Variants in ZNF566 observed in about 807,000 individuals in gnomAD.
ZNF566 encodes the protein zinc finger protein 566.
A neutral mutation model predicts 32.8 loss-of-function variants in ZNF566; 27 were observed. The ratio of observed to expected loss-of-function variants is 0.82; its 90% CI spans 0.61 to 1.14. ZNF566 has a LOEUF of 1.14. Among genes scored for constraint, ZNF566 ranks in the 50% most tolerant of loss-of-function variants. ZNF566 has a pLI of 0.00. For missense variants in ZNF566, 402 were observed against 490.4 expected (o/e 0.82, Z 1.70); for synonymous variants, 154 against 159.5 (o/e 0.97, Z 0.26).
At chr19:36,458,221 A>G (rs545674363) in intron 4 of ZNF566, among the ~76,000 whole-genome samples, 1 of 149,384 alleles carries the variant, frequency 6.7e-6, no homozygotes, top group Non-Finnish European at 1.5e-5. Flanking sequence ...AGAAAATGTG[A>G]TGTGTGGGCA....
chr19:36,450,977 A>T (rs2033143031), intron 4 of ZNF566, among the ~76,000 whole-genome samples: 1 of 152,258 alleles, frequency 6.6e-6, no homozygotes, highest in African/African-American at 2.4e-5. Context: ...CGCTAGCTAC[A>T]TGTGGCTTTT....
At chr19:36,481,490 A>AG (rs1457117529) in intron 1 of ZNF566, among the ~76,000 whole-genome samples, 3 of 148,226 alleles carry the variant, frequency 2.0e-5, no homozygotes, top group Non-Finnish European at 3.0e-5. Context: ...AAAAAAAAAA[A>AG]AAAAAGAAAA....
intron 4 of ZNF566, among the ~76,000 whole-genome samples, chr19:36,462,826 G>A (rs376441305): frequency 6.6e-6 from 1 of 151,306 alleles, no homozygotes; most frequent in Admixed American, 6.6e-5. Flanking sequence ...GCGTGGTGGG[G>A]GGTGCCTGTA....
intron 2 of ZNF566, 34 bp downstream of exon 2, chr19:36,476,515 C>T: frequency 6.3e-7 from 1 of 1,587,852 alleles, no homozygotes; most frequent in South Asian, 1.1e-5. Flanking sequence ...AAGTAAAAAT[C>T]ACTCTATCTG....
chr19:36,470,396 G>T (rs923371025), intron 4 of ZNF566, among the ~76,000 whole-genome samples: 2 of 152,076 alleles, frequency 1.3e-5, no homozygotes, highest in Admixed American at 1.3e-4. Flanking sequence ...TAAAAAGCAT[G>T]AATCCTTTTT....
intron 1 of ZNF566, among the ~76,000 whole-genome samples, chr19:36,486,882 G>C (rs1233843860): frequency 1.3e-5 from 2 of 151,488 alleles, no homozygotes; most frequent in African/African-American, 4.8e-5. Context: ...GATTTTGGGA[G>C]GCTGAGGCGG....
At position 36,448,011 on chromosome 19, in the gene ZNF566, C is replaced by T. The variant is rs1457109392; in HGVS notation, c.*966G>A. 6.6e-6 allele frequency: 1 copy of T among 152,042 alleles called. No homozygotes were observed. The highest frequency in any genetic ancestry group is 1.5e-5 in the Non-Finnish European group (1 of 67,978). The allele number at this position is 152,042 out of a possible 1,614,324, so 9.4% of individuals were successfully genotyped here. On this transcript the variant is annotated 3_prime_UTR_variant, in exon 5 of 5. Coordinates refer to ENST00000452939, the MANE Select transcript of ZNF566 (RefSeq NM_001145344.1). ...TCTAAGCACTTTATCGATCTTAATT[C>T]ATTTAATCCTCACAAAGCATTATGA...
intron 4 of ZNF566, among the ~76,000 whole-genome samples, chr19:36,457,899 T>C (rs1005146465): frequency 2.6e-4 from 40 of 151,608 alleles, no homozygotes; most frequent in African/African-American, 9.5e-4. Flanking sequence ...CTCAAAAAAA[T>C]AAACAAACAA....
chr19:36,465,238 A>G (rs2033582170), intron 4 of ZNF566, among the ~76,000 whole-genome samples: 1 of 152,218 alleles, frequency 6.6e-6, no homozygotes, highest in Non-Finnish European at 1.5e-5. Flanking sequence ...TGAAAAAATA[A>G]TATCATAAGG....
At chr19:36,457,150 G>C (rs1421977087) in intron 4 of ZNF566, among the ~76,000 whole-genome samples, 1 of 152,110 alleles carries the variant, frequency 6.6e-6, no homozygotes, top group East Asian at 1.9e-4. Flanking sequence ...ACACACAATG[G>C]GGAAAAGACA....
At chr19:36,454,935 C>A (rs1342861070) in intron 4 of ZNF566, among the ~76,000 whole-genome samples, 2 of 152,148 alleles carry the variant, frequency 1.3e-5, no homozygotes, top group Admixed American at 1.3e-4. Flanking sequence ...AAGAAAATTA[C>A]AGGCCAATAT....
At chr19:36,472,515 C>A (rs1332152145) in intron 4 of ZNF566, among the ~76,000 whole-genome samples, 1 of 152,032 alleles carries the variant, frequency 6.6e-6, no homozygotes, top group Non-Finnish European at 1.5e-5. Context: ...GGCATAAACC[C>A]CTATCCCAAA....
Position 36,449,514 on chromosome 19 carries a change from T to G in ZNF566, c.720A>C (p.Ser240=). Reference sequence around the variant, plus strand: ...GAATTCTGTGATGTCGAGTAAGGTCTGAGCCACAAATAAAGGTTTTTCCAC... The same window carrying G: ...GAATTCTGTGATGTCGAGTAAGGTCGGAGCCACAAATAAAGGTTTTTCCAC... ...KECGKTFICG[S]DLTRHHRIHT... is the part of the protein sequence containing the mutation. Residue 240 remains serine, a synonymous_variant, in exon 5 of 5, where the codon TCA becomes TCC. Transcript: ENST00000452939. The G allele has an allele frequency of 1.2e-6, 2 of 1,614,186 alleles. No homozygotes were observed. The highest frequency in any genetic ancestry group is 1.7e-6 in the Non-Finnish European group (2 of 1,180,032).
chr19:36,476,737 G>A (rs1156239082), intron 1 of ZNF566, 121 bp from the exon 2 acceptor site: 3 of 727,840 alleles, frequency 4.1e-6, no homozygotes, highest in African/African-American at 3.6e-5. Context: ...GAGGAGAATG[G>A]GCAAATGTCT....
chr19:36,446,138 TTG>T lies in ZNF566; in HGVS notation c.*2837_*2838del, dbSNP rs1383831267. 1.3e-5 allele frequency: 2 copies of T among 152,042 alleles called. No individual in the cohort carries two copies. The highest frequency in any genetic ancestry group is 2.1e-4 in the South Asian group (1 of 4,824). 9.4% of individuals were successfully genotyped at this position (152,042 alleles called of 1,614,324 possible). ...TTTCTGTAAAAACATAATAAAATAA[TTG>T]TGTGTTAATGTTTTAGCATGAAGAA... is the stretch of plus-strand genomic sequence containing the variant. On this transcript the variant is annotated 3_prime_UTR_variant, in exon 5 of 5. Coordinates refer to ENST00000452939, the MANE Select transcript of ZNF566 (RefSeq NM_001145344.1).
chr19:36,487,147 T>C (rs1231772138), intron 1 of ZNF566, among the ~76,000 whole-genome samples: 1 of 148,128 alleles, frequency 6.8e-6, no homozygotes, highest in East Asian at 2.0e-4. Context: ...CAAAAACCTA[T>C]GATGAAACTG....
rs2034167102 is a variant in ZNF566, at chr19:36,486,617, G to A, written c.-60+2869C>T. ...ACCTGGGAGGTGGAGGTTGCAGTGA[G>A]CTGAGATCATGCCATTGCACTCCAG... On this transcript the variant is annotated intron_variant, in intron 1 of 4. Coordinates refer to ENST00000452939, the MANE Select transcript of ZNF566 (RefSeq NM_001145344.1). 3.4e-5 allele frequency among the ~76,000 whole-genome samples: 5 copies of A among 147,320 alleles called. No homozygotes were observed. The South Asian group carries it at 8.5e-4, about 25-fold the overall frequency.
chr19:36,488,706 T>A (rs1020546781), intron 1 of ZNF566, among the ~76,000 whole-genome samples: 1 of 152,128 alleles, frequency 6.6e-6, no homozygotes, highest in South Asian at 2.1e-4. Context: ...AGCAAAGAAA[T>A]TGAATTAACC....
intron 1 of ZNF566, among the ~76,000 whole-genome samples, chr19:36,477,274 T>C (rs1408189538): frequency 5.9e-5 from 9 of 152,152 alleles, no homozygotes; most frequent in Non-Finnish European, 1.2e-4. Flanking sequence ...CCTCCCAATG[T>C]GCTAAGATTA....
Sources: gnomAD v4.1 joint callset for allele counts (sites outside exome capture counted in the v4.1 genomes callset) on GRCh38, gnomAD v4.1.1 for gene constraint, MANE v1.5 for transcripts, NCBI Gene and HGNC (gene_info 2026-07-23, HGNC 2026-07-21) for gene names.